The following PPP1R37 variants were observed in gnomAD, a reference collection of about 807,000 sequenced individuals.
PPP1R37 encodes protein phosphatase 1 regulatory subunit 37, also known as leucine rich repeat containing 68.
In PPP1R37, 21 loss-of-function variants were observed where a neutral mutation model predicts 61.0. The ratio of observed to expected loss-of-function variants is 0.34; its 90% CI spans 0.24 to 0.50. PPP1R37 has a LOEUF of 0.50. PPP1R37 is among the 20% of genes least tolerant of loss of function. The pLI, the probability that PPP1R37 is intolerant of heterozygous loss-of-function variation, is 0.98. For synonymous variants in PPP1R37, 443 were observed against 433.5 expected (o/e 1.02, Z -0.27); for missense variants, 910 against 952.7 (o/e 0.96, Z 0.59).
chr19:45,101,345 G>A (rs1043157113), intron 1 of PPP1R37, among the ~76,000 whole-genome samples: 15 of 152,330 alleles, frequency 9.8e-5, no homozygotes, highest in Non-Finnish European at 2.1e-4. Flanking sequence ...GCTGGTCAGA[G>A]GTGAGGCTGG....
At chr19:45,095,923 G>A (rs555245362) in intron 1 of PPP1R37, among the ~76,000 whole-genome samples, 11 of 152,192 alleles carry the variant, frequency 7.2e-5, no homozygotes, top group African/African-American at 2.4e-4. Context: ...GACCTGGAGA[G>A]GCAGAGCAGG....
intron 1 of PPP1R37, among the ~76,000 whole-genome samples, chr19:45,110,484 A>G (rs868326625): frequency 5.9e-5 from 9 of 151,998 alleles, no homozygotes; most frequent in Non-Finnish European, 1.2e-4. Context: ...GGTCTTTTCT[A>G]ACTATTCCTC....
intron 8 of PPP1R37, 70 bp from the exon 9 acceptor site, chr19:45,144,784 C>A: frequency 7.4e-7 from 1 of 1,351,526 alleles, no homozygotes; most frequent in South Asian, 1.4e-5. Context: ...CGGCTTCTTT[C>A]CTGACTTGGC....
At position 45,138,546 on chromosome 19, in the gene PPP1R37, G is replaced by A. The variant is rs1427597200; in HGVS notation, c.235G>A (p.Ala79Thr). 14 of 1,533,914 alleles carry A rather than the reference G, an allele frequency of 9.1e-6. No homozygotes were observed. The highest frequency in any genetic ancestry group is 7.9e-5 in the Admixed American group (4 of 50,924). The change falls in exon 2 of 13, where the codon GCC becomes ACC. Residue 79 changes from alanine to threonine, a missense_variant. Ala to Thr is a moderately conservative substitution (Grantham distance 58). Transcript: ENST00000221462. ...QNVTVDEVIG[A>T]YKQACQKLNC... ...TGTGACCGTGGACGAGGTCATCGGC[G>A]CCTACAAGCAGGCCTGCCAGAAGCT... is the stretch of plus-strand genomic sequence containing the variant.
At chr19:45,145,324 A>AG (rs1258198471) in intron 10 of PPP1R37, 29 bp from the exon 11 acceptor site, 2 of 1,525,168 alleles carry the variant, frequency 1.3e-6, no homozygotes, top group South Asian at 2.4e-5. Context: ...GGCCGGCCTG[A>AG]GAGCCCTAGC....
intron 1 of PPP1R37, among the ~76,000 whole-genome samples, chr19:45,095,163 G>A (rs1004939338): frequency 3.3e-5 from 5 of 152,158 alleles, no homozygotes; most frequent in Non-Finnish European, 5.9e-5. Context: ...AACACACAGG[G>A]AGTCCATCAT....
chr19:45,093,321 C>T lies in PPP1R37; in HGVS notation c.-5C>T. 8 of 1,436,164 alleles carry T rather than the reference C, an allele frequency of 5.6e-6. No homozygotes were observed. The highest frequency in any genetic ancestry group is 2.8e-5 in the East Asian group (1 of 36,022). The allele number at this position is 1,436,164 out of a possible 1,614,324, so 89.0% of individuals were successfully genotyped here. On this transcript the variant is annotated 5_prime_UTR_variant, in exon 1 of 13. Transcript: ENST00000221462. ...CGGGGCCCCCGTGAGGAGGCGGCGG[C>T]GGCTATGGAGATCGCGCCGCAGGAG...
chr19:45,142,978 G>A (rs985857544), intron 7 of PPP1R37: 1 of 166,872 alleles, frequency 6.0e-6, no homozygotes, highest in Non-Finnish European at 1.3e-5. Flanking sequence ...CAGAGAATGG[G>A]GAGCCGTCAA....
rs1036786208 is a variant in PPP1R37, at chr19:45,145,085, C to A, written c.1130-9C>A. The A allele has an allele frequency of 6.5e-7, 1 of 1,529,344 alleles. No individual in the cohort carries two copies. The allele number at this position is 1,529,344 out of a possible 1,614,324, so 94.7% of individuals were successfully genotyped here. A position where few individuals can be genotyped will look rare whatever the true frequency, so the allele number is the denominator to read the frequency against. On this transcript the variant is annotated splice_polypyrimidine_tract_variant and intron_variant, in intron 9 of 12. Coordinates refer to ENST00000221462, the MANE Select transcript of PPP1R37 (RefSeq NM_019121.2). ...GGGCCCGTGGCCAGCCCCTGCGGTGCCCCCCCAGGCGCGGTGGCGGTGGCG... is the reference window on the plus strand; with the variant it reads ...GGGCCCGTGGCCAGCCCCTGCGGTGACCCCCCAGGCGCGGTGGCGGTGGCG...
chr19:45,094,002 C>T (rs1314043020), intron 1 of PPP1R37, among the ~76,000 whole-genome samples: 1 of 152,148 alleles, frequency 6.6e-6, no homozygotes. Context: ...GTGTTGGCCA[C>T]TTTCTTGGCT....
At chr19:45,093,590 T>TGCAG (rs1967952197) in intron 1 of PPP1R37, 63 bp downstream of exon 1, 1 of 1,328,042 alleles carries the variant, frequency 7.5e-7, no homozygotes, top group Admixed American at 2.1e-5. Flanking sequence ...GAGGGATCGG[T>TGCAG]GCAGGGCCCG....
Position 45,093,231 on chromosome 19 carries a change from G to A in PPP1R37, c.-95G>A, listed in dbSNP as rs901981521. The A allele has an allele frequency of 9.8e-6, 10 of 1,021,444 alleles. No individual in the cohort carries two copies. Among genetic ancestry groups the A allele is most frequent in the South Asian group, 5.2e-5 (2 of 38,106 alleles). 63.3% of individuals were successfully genotyped at this position (1,021,444 alleles called of 1,614,324 possible). On this transcript the variant is annotated 5_prime_UTR_variant, in exon 1 of 13. Coordinates refer to ENST00000221462, the MANE Select transcript of PPP1R37 (RefSeq NM_019121.2). ...CGGAGGCGGCGCCTGAAGCGGCGGC[G>A]GAGCCCATGCCCCGGGACGGCGGGC... is the stretch of plus-strand genomic sequence containing the variant.
intron 1 of PPP1R37, among the ~76,000 whole-genome samples, chr19:45,107,511 G>C (rs1968147600): frequency 6.6e-6 from 1 of 152,194 alleles, no homozygotes; most frequent in African/African-American, 2.4e-5. Context: ...GGCTAATGTG[G>C]GAGGATTGCT....
Position 45,121,041 on chromosome 19 carries a change from G to C in PPP1R37, c.203-17473G>C, listed in dbSNP as rs1200383280. Among the ~76,000 whole-genome samples, 1 of 152,152 alleles carries C rather than the reference G, an allele frequency of 6.6e-6. No individual in the cohort carries two copies. Among genetic ancestry groups the C allele is most frequent in the Non-Finnish European group, 1.5e-5 (1 of 68,038 alleles). On this transcript the variant is annotated intron_variant, in intron 1 of 12. Transcript: ENST00000221462. This position sits in a 1 kb window ranked among gnomAD's most constrained non-coding sequence, Gnocchi z 4.2. ...TGGGGAGATAATTTCTATTTCTCAG[G>C]GCCATTAGGAAGTGGAAACGAGATC...
chr19:45,113,757 T>A (rs1269159103), intron 1 of PPP1R37, among the ~76,000 whole-genome samples: 3 of 152,136 alleles, frequency 2.0e-5, no homozygotes, highest in African/African-American at 7.2e-5. Context: ...ACTCAGAGAG[T>A]TCTCTCCGCC....
chr19:45,136,657 C>A (rs1044260750), intron 1 of PPP1R37, among the ~76,000 whole-genome samples: 1 of 152,196 alleles, frequency 6.6e-6, no homozygotes. Context: ...CAGGCCTCCA[C>A]CCCCAAGGAG....
chr19:45,142,132 T>C lies in PPP1R37; in HGVS notation c.639T>C (p.Arg213=), dbSNP rs769262506. The change falls in exon 6 of 13, where the codon CGT becomes CGC. Residue 213 remains arginine (R), a synonymous_variant. Coordinates refer to ENST00000221462, the MANE Select transcript of PPP1R37 (RefSeq NM_019121.2). ...LLDHSAPFVA[R]ALRIRSSLAV... ...ACCACTCGGCGCCCTTCGTGGCCCG[T>C]GCCCTGCGCATCCGCAGCAGCCTGG... 133 of 1,535,122 alleles carry C rather than the reference T, an allele frequency of 8.7e-5. No homozygotes were observed. Among genetic ancestry groups the C allele is most frequent in the Non-Finnish European group, 1.1e-4 (127 of 1,146,538 alleles).
chr19:45,134,263 C>T (rs963555592), intron 1 of PPP1R37, among the ~76,000 whole-genome samples: 9 of 152,122 alleles, frequency 5.9e-5, no homozygotes, highest in African/African-American at 1.4e-4. Context: ...CTTGGCCTCA[C>T]ATAGTGCTGG....
At chr19:45,142,545 C>T (rs947393747) in intron 7 of PPP1R37, 87 bp downstream of exon 7, 20 of 1,364,832 alleles carry the variant, frequency 1.5e-5, no homozygotes, top group South Asian at 2.7e-5. Context: ...GGGACACAGA[C>T]ATGGCCAAGA....
Sources: gnomAD v4.1 joint callset for allele counts (sites outside exome capture counted in the v4.1 genomes callset) on GRCh38, gnomAD v4.1.1 for gene constraint, Gnocchi (gnomAD v3.1) non-coding constraint, MANE v1.5 for transcripts, NCBI Gene and HGNC (gene_info 2026-07-23, HGNC 2026-07-21) for gene names.